Variants in HOMER1 observed in about 807,000 individuals in gnomAD.
HOMER1 encodes homer protein homolog 1.
HOMER1 carries 3 observed loss-of-function variants against 48.9 expected under a neutral mutation model. That is an observed-to-expected ratio of 0.06 (90% confidence interval 0.03 to 0.16). HOMER1 has a LOEUF of 0.16. HOMER1 is among the 10% of genes least tolerant of loss of function. HOMER1 has a pLI of 1.00. For missense variants in HOMER1, 247 were observed against 411.4 expected, an observed-to-expected ratio of 0.60 and a Z score of 3.46; for synonymous variants, 134 against 146.4, an observed-to-expected ratio of 0.92 and a Z score of 0.61.
At chr5:79,502,918 G>A (rs1752637141) in intron 1 of HOMER1, among the ~76,000 whole-genome samples, 1 of 152,164 alleles carries the variant, frequency 6.6e-6, no homozygotes, top group South Asian at 2.1e-4. Flanking sequence ...AGCCTCCCGA[G>A]TAGCTGTGAC....
chr5:79,396,916 G>T lies in HOMER1; in HGVS notation c.796-13C>A. The T allele has an allele frequency of 3.5e-6, 5 of 1,444,296 alleles. No homozygotes were observed. The highest frequency in any genetic ancestry group is 1.4e-5 in the African/African-American group (1 of 71,774). 89.5% of individuals were successfully genotyped at this position (1,444,296 alleles called of 1,614,324 possible). A position where few individuals can be genotyped will look rare whatever the true frequency, so the allele number is the denominator to read the frequency against. On this transcript the variant is annotated splice_polypyrimidine_tract_variant and intron_variant, in intron 7 of 8. Transcript: ENST00000334082. ...ACCTTTCTATTTCCTAGAAAAGACA[G>T]AGCAATGTCTTAACATTCAAACTAT...
rs1012361486 is a variant in HOMER1, at chr5:79,373,508, C to A, written c.*2501G>T. 1 of 151,416 alleles carries A rather than the reference C, an allele frequency of 6.6e-6. No homozygotes were observed. The highest frequency in any genetic ancestry group is 2.4e-5 in the African/African-American group (1 of 41,250). 9.4% of individuals were successfully genotyped at this position (151,416 alleles called of 1,614,324 possible). On this transcript the variant is annotated 3_prime_UTR_variant, in exon 9 of 9. Coordinates refer to ENST00000334082, the MANE Select transcript of HOMER1 (RefSeq NM_004272.5). ...TATAATACTTGTCTCTGGGAAAAAT[C>A]AAATTTTAATATGCAAATGTTTATA...
intron 1 of HOMER1, among the ~76,000 whole-genome samples, chr5:79,474,860 T>C (rs1233671494): frequency 6.6e-6 from 1 of 152,212 alleles, no homozygotes; most frequent in Non-Finnish European, 1.5e-5. Flanking sequence ...GGAAAAAAGC[T>C]GATGACAGTT....
intron 5 of HOMER1, among the ~76,000 whole-genome samples, chr5:79,417,927 A>G (rs1158197592): frequency 6.6e-6 from 1 of 152,230 alleles, no homozygotes; most frequent in East Asian, 1.9e-4. Flanking sequence ...GTGAAAAGAT[A>G]TGGATAATTT....
intron 1 of HOMER1, among the ~76,000 whole-genome samples, chr5:79,477,382 G>T (rs1751810236): frequency 6.6e-6 from 1 of 152,204 alleles, no homozygotes; most frequent in Non-Finnish European, 1.5e-5. Flanking sequence ...CTTCCTACAA[G>T]AGGAAGAGAT....
At chr5:79,481,106 T>A (rs983623221) in intron 1 of HOMER1, among the ~76,000 whole-genome samples, 1 of 152,254 alleles carries the variant, frequency 6.6e-6, no homozygotes, top group African/African-American at 2.4e-5. Flanking sequence ...AATTGCTTTT[T>A]CTTTCATCAC....
intron 5 of HOMER1, among the ~76,000 whole-genome samples, chr5:79,408,402 A>G (rs1476265126): frequency 2.6e-5 from 4 of 152,196 alleles, no homozygotes; most frequent in African/African-American, 7.2e-5. Context: ...AATATTAAAG[A>G]AAGTTCTTTA....
chr5:79,399,919 A>G (rs964907584), intron 6 of HOMER1, among the ~76,000 whole-genome samples: 1 of 152,196 alleles, frequency 6.6e-6, no homozygotes, highest in African/African-American at 2.4e-5. Context: ...ACAGGAAAGA[A>G]GCACAATGGA....
At chr5:79,449,565 T>C (rs1750976921) in intron 3 of HOMER1, among the ~76,000 whole-genome samples, 1 of 152,234 alleles carries the variant, frequency 6.6e-6, no homozygotes, top group Non-Finnish European at 1.5e-5. Context: ...CTCTGCCTCC[T>C]GGGTTCAAAT....
chr5:79,490,657 C>T (rs1374973384), intron 1 of HOMER1, among the ~76,000 whole-genome samples: 5 of 151,484 alleles, frequency 3.3e-5, no homozygotes, highest in Admixed American at 2.0e-4. Flanking sequence ...GCTTGTTGAG[C>T]ATAGTGGCTC....
intron 5 of HOMER1, among the ~76,000 whole-genome samples, chr5:79,410,398 T>C (rs1479423767): frequency 6.7e-6 from 1 of 148,870 alleles, no homozygotes; most frequent in South Asian, 2.1e-4. Context: ...GGCTGAGGCA[T>C]GAGAATCGCT....
chr5:79,484,323 G>A (rs181560605), intron 1 of HOMER1, among the ~76,000 whole-genome samples: 282 of 151,556 alleles, frequency 1.9e-3, no homozygotes, highest in African/African-American at 6.3e-3. Flanking sequence ...AGAAAAGAAG[G>A]AGAGGAATAA....
rs550843043 is a variant in HOMER1, at chr5:79,389,593, C to A, written c.876+7230G>T. ...TGTTGGTGGCTTGCTCTTCCATCTT[C>A]CCCGATGTGAGGAGGCCGCATTCAT... On this transcript the variant is annotated intron_variant, in intron 8 of 8. Coordinates refer to ENST00000334082, the MANE Select transcript of HOMER1 (RefSeq NM_004272.5). Among the ~76,000 whole-genome samples, 37 of 152,284 alleles carry A rather than the reference C, an allele frequency of 2.4e-4. No homozygotes were observed. In the Middle Eastern group the frequency reaches 0.014, roughly 56 times the overall value.
intron 5 of HOMER1, among the ~76,000 whole-genome samples, chr5:79,414,598 T>C (rs1749896723): frequency 6.6e-6 from 1 of 152,020 alleles, no homozygotes; most frequent in Admixed American, 6.6e-5. Flanking sequence ...AGGCTGGTCT[T>C]GAACTCCTGG....
rs1748678465 is a variant in HOMER1 at position 79,373,198 on chromosome 5, T to A, written c.*2811A>T. 1 of 152,140 alleles carries A rather than the reference T, an allele frequency of 6.6e-6. No individual in the cohort carries two copies. Among genetic ancestry groups the A allele is most frequent in the South Asian group, 2.1e-4 (1 of 4,838 alleles). 9.4% of individuals were successfully genotyped at this position (152,140 alleles called of 1,614,324 possible). A position where few individuals can be genotyped will look rare whatever the true frequency, so the allele number is the denominator to read the frequency against. On this transcript the variant is annotated 3_prime_UTR_variant, in exon 9 of 9. Transcript: ENST00000334082. ...AAGATTTAAGTAAATGCTGTCATCA[T>A]TTAAATGCTTTTAAATATCTGTAAA...
chr5:79,468,503 A>G lies in HOMER1; in HGVS notation c.6-11485T>C, dbSNP rs148390784. Among the ~76,000 whole-genome samples the G allele has an allele frequency of 1.7e-3, 257 of 152,324 alleles. 2 individuals carry two copies. The highest frequency in any genetic ancestry group is 5.9e-3 in the African/African-American group (245 of 41,564). On this transcript the variant is annotated intron_variant, in intron 1 of 8. Coordinates refer to ENST00000334082, the MANE Select transcript of HOMER1 (RefSeq NM_004272.5). Reference sequence around the variant, plus strand: ...ACTGTGTCAAAATATATAAAAATTGATTTTGACTTCCTTTTTAGAACCTTA... The same window carrying G: ...ACTGTGTCAAAATATATAAAAATTGGTTTTGACTTCCTTTTTAGAACCTTA...
intron 5 of HOMER1, among the ~76,000 whole-genome samples, chr5:79,416,006 C>T (rs1412983603): frequency 6.6e-6 from 1 of 152,040 alleles, no homozygotes; most frequent in Admixed American, 6.5e-5. Context: ...TAAATGTACT[C>T]TTGAAGACAA....
At chr5:79,500,369 G>A (rs929466624) in intron 1 of HOMER1, among the ~76,000 whole-genome samples, 1 of 152,154 alleles carries the variant, frequency 6.6e-6, no homozygotes, top group African/African-American at 2.4e-5. Flanking sequence ...AATATTAGAA[G>A]AGCTTTGGCT....
intron 1 of HOMER1, among the ~76,000 whole-genome samples, chr5:79,496,400 C>T (rs1263964415): frequency 6.6e-5 from 10 of 152,186 alleles, no homozygotes; most frequent in African/African-American, 2.4e-4. Context: ...CAGATTACAG[C>T]AGATGATATG....
Sources: allele counts gnomAD v4.1 joint callset (sites outside exome capture counted in the v4.1 genomes callset), GRCh38; gene constraint gnomAD v4.1.1; transcripts MANE v1.5; gene names NCBI Gene and HGNC (gene_info 2026-07-23, HGNC 2026-07-21).